RHBDD3: variants seen among roughly 807,000 people sequenced by gnomAD.
RHBDD3 encodes rhomboid domain-containing protein 3.
Under a neutral mutation model 32.3 loss-of-function variants are expected in RHBDD3, and 34 were observed. The observed-to-expected ratio is 1.05, with a 90% confidence interval of 0.80 to 1.40. RHBDD3 has a LOEUF of 1.40. Among genes scored for constraint, RHBDD3 ranks in the 40% most tolerant of loss-of-function variants. The pLI is 0.00. For synonymous variants in RHBDD3, 249 were observed against 239.1 expected (o/e 1.04, Z -0.38); for missense variants, 482 against 492.6 (o/e 0.98, Z 0.20).
Position 29,260,758 on chromosome 22 carries a change from G to A in RHBDD3, c.639C>T (p.Leu213=). 6.2e-7 allele frequency: 1 copy of A among 1,600,954 alleles called. No individual in the cohort carries two copies. Among genetic ancestry groups the A allele is most frequent in the South Asian group, 1.1e-5 (1 of 89,014 alleles). ...RTLAGCWPLR[L]LATPGSLAEL... is the part of the protein sequence containing the mutation. ...CCGCCAGGCTACCCGGGGTGGCAAG[G>A]AGCCTCAGGGGCCAGCACCCCGCCA... The change falls in exon 5 of 7, where the codon CTC becomes CTT. Residue 213 remains leucine, a synonymous_variant. Transcript: ENST00000216085.
At chr22:29,266,031 C>T (rs2058172157) in intron 2 of RHBDD3, among the ~76,000 whole-genome samples, 1 of 152,228 alleles carries the variant, frequency 6.6e-6, no homozygotes, top group Non-Finnish European at 1.5e-5. Context: ...CTCCTTCCTC[C>T]CCTCCCCTGT....
At position 29,263,324 on chromosome 22, in the gene RHBDD3, T is replaced by C. The variant is rs1237416032; in HGVS notation, c.532+511A>G. Among the ~76,000 whole-genome samples, 8 of 152,284 alleles carry C rather than the reference T, an allele frequency of 5.3e-5. No individual in the cohort carries two copies. In the South Asian group the frequency reaches 1.2e-3, roughly 24 times the overall value. On this transcript the variant is annotated intron_variant, in intron 4 of 6. Transcript: ENST00000216085. ...TCCCAAAGTGTTGGGATTACAGGCA[T>C]GAGCCATCGCGCCTGGCCTAATTTT...
In RHBDD3 at chr22:29,264,220, T is replaced by C. The variant is rs1182432757; in HGVS notation, c.149-2A>G. The C allele has an allele frequency of 1.3e-6, 2 of 1,525,202 alleles. No individual in the cohort carries two copies. Among genetic ancestry groups the C allele is most frequent in the Admixed American group, 2.1e-5 (1 of 47,334 alleles). The allele number at this position is 1,525,202 out of a possible 1,614,324, so 94.5% of individuals were successfully genotyped here. A position where few individuals can be genotyped will look rare whatever the true frequency, so the allele number is the denominator to read the frequency against. On this transcript the variant is annotated splice_acceptor_variant, in intron 3 of 6. Coordinates refer to ENST00000216085, the MANE Select transcript of RHBDD3 (RefSeq NM_012265.3). LOFTEE classifies it high-confidence loss of function. The stretch of plus-strand genomic sequence containing the variant: ...GGGCATGGGTCAGCAGCCGGTGCAC[T>C]GGGAGAGAGAAGGGGCTTATGTGCC...
In RHBDD3 at chr22:29,260,186, T is replaced by TGCC. The variant is rs1448117526; in HGVS notation, c.1032_1034dup (p.Ala345dup). The TGCC allele has an allele frequency of 8.2e-6, 13 of 1,592,034 alleles. No individual in the cohort carries two copies. In the Admixed American group the frequency reaches 2.3e-4, roughly 28 times the overall value. On this transcript the variant is annotated inframe_insertion, in exon 7 of 7. Transcript: ENST00000216085. ...CCTCCACACGGCCTGTGGCTGCCAG[T>TGCC]GCCACCACCGCCTGCTCCGTAGGGA...
At chr22:29,265,775 C>T in intron 2 of RHBDD3, 107 bp from the exon 3 acceptor site, 1 of 1,175,628 alleles carries the variant, frequency 8.5e-7, no homozygotes, top group Non-Finnish European at 1.1e-6. Context: ...TGGAAACAGG[C>T]TGGAGACGCA....
chr22:29,264,341 A>G (rs899202952), intron 3 of RHBDD3, 123 bp from the exon 4 acceptor site: 2 of 1,433,266 alleles, frequency 1.4e-6, no homozygotes, highest in African/African-American at 1.4e-5. Flanking sequence ...TCCCCTCCCC[A>G]GGAGCCAGTC....
Position 29,260,754 on chromosome 22 carries a change from CA to C in RHBDD3, c.642del (p.Ala215ProfsTer17). On this transcript the variant is annotated frameshift_variant, in exon 5 of 7. Coordinates refer to ENST00000216085, the MANE Select transcript of RHBDD3 (RefSeq NM_012265.3). LOFTEE classifies it high-confidence loss of function. ...AGCTCCGCCAGGCTACCCGGGGTGG[CA>C]AGGAGCCTCAGGGGCCAGCACCCCG... is the stretch of plus-strand genomic sequence containing the variant. Reference protein sequence around the residue: ...TLAGCWPLRLLATPGSLAELP... With the variant: ...TLAGCWPLRLXATPGSLAELP... 1 of 1,600,960 alleles carries C rather than the reference CA, an allele frequency of 6.2e-7. No individual in the cohort carries two copies. The highest frequency in any genetic ancestry group is 8.5e-7 in the Non-Finnish European group (1 of 1,174,770).
At position 29,260,602 on chromosome 22, in the gene RHBDD3, G is replaced by A; in HGVS notation, c.707C>T (p.Pro236Leu). The stretch of plus-strand genomic sequence containing the variant: ...AGGGGAGGCCACATAAGGCGGTCCA[G>A]GGATGGGAGGCCTGGAGGAGTGGGA... ...THPAGVRPPIPGPPYVASPDL... is the reference protein window; with the variant it reads ...THPAGVRPPILGPPYVASPDL... The change falls in exon 6 of 7, where the codon CCT becomes CTT. Residue 236 changes from proline (P) to leucine (L), a missense_variant. Coordinates refer to ENST00000216085, the MANE Select transcript of RHBDD3 (RefSeq NM_012265.3). 1 of 1,592,672 alleles carries A rather than the reference G, an allele frequency of 6.3e-7. No homozygotes were observed. The highest frequency in any genetic ancestry group is 8.6e-7 in the Non-Finnish European group (1 of 1,169,174).
In RHBDD3 at chr22:29,260,124, G is replaced by C. The variant is rs766327953; in HGVS notation, c.1097C>G (p.Thr366Ser). Residue 366 changes from threonine to serine, a missense_variant, in exon 7 of 7, where the codon ACT (threonine) becomes AGT (serine). Transcript: ENST00000216085. ...VSLLVGGQVG[T>S]ETLVTHGKGG... ...CTTTCCATGGGTCACCAGGGTCTCA[G>C]TGCCCACTTGTCCTCCAACCAACAG... 14 of 1,585,972 alleles carry C rather than the reference G, an allele frequency of 8.8e-6. No individual in the cohort carries two copies. The highest frequency in any genetic ancestry group is 7.2e-5 in the Admixed American group (4 of 55,464).
rs1401168292 is a variant in RHBDD3, at chr22:29,263,906, G to A, written c.461C>T (p.Ala154Val). 1 of 1,548,846 alleles carries A rather than the reference G, an allele frequency of 6.5e-7. No homozygotes were observed. Among genetic ancestry groups the A allele is most frequent in the African/African-American group, 1.4e-5 (1 of 73,238 alleles). ...PPWLSPWLLLALTPLLSSEPP... is the reference protein window; with the variant it reads ...PPWLSPWLLLVLTPLLSSEPP... ...CTCAGAGCTGAGCAGTGGGGTCAGG[G>A]CAAGCAGCAGCCACGGCGACAGCCA... The change falls in exon 4 of 7, where the codon GCC (alanine) becomes GTC (valine). Residue 154 changes from alanine (A) to valine (V), a missense_variant. Transcript: ENST00000216085.
At chr22:29,263,078 CCT>C (rs529044962) in intron 4 of RHBDD3, among the ~76,000 whole-genome samples, 40 of 147,872 alleles carry the variant, frequency 2.7e-4, no homozygotes, top group Non-Finnish European at 4.6e-4. Context: ...GGGGTCTTGC[CCT>C]GTCGCCCAGG....
Position 29,264,380 on chromosome 22 carries a change from G to A in RHBDD3, c.149-162C>T. 5 of 1,428,566 alleles carry A rather than the reference G, an allele frequency of 3.5e-6. No individual in the cohort carries two copies. The South Asian group carries it at 7.8e-5, about 22-fold the overall frequency. The allele number at this position is 1,428,566 out of a possible 1,614,324, so 88.5% of individuals were successfully genotyped here. ...CCACAGCCAGCACTTAATCATTGGT[G>A]GAAGGGACCAAGGACTTCCAAACAC... On this transcript the variant is annotated intron_variant, in intron 3 of 6. Transcript: ENST00000216085.
At chr22:29,260,670 A>T (rs1231018168) in intron 5 of RHBDD3, 32 bp downstream of exon 5, 19 of 1,552,500 alleles carry the variant, frequency 1.2e-5, no homozygotes, top group African/African-American at 2.7e-5. Context: ...AGTGCCCACC[A>T]CCTGGACTGG....
rs1026515338 is a variant in RHBDD3, at chr22:29,263,959, A to G, written c.408T>C (p.Pro136=). ...LAMLAGEGHR[P]RRPRGALPPW... is the part of the protein sequence containing the mutation. ...GTGGCAGTGCCCCACGGGGCCGTCT[A>G]GGGCGGTGTCCCTCCCCAGCCAGCA... The change falls in exon 4 of 7, where the codon CCT becomes CCC. Residue 136 remains proline (P), a synonymous_variant. Transcript: ENST00000216085. 7.1e-6 allele frequency: 11 copies of G among 1,550,702 alleles called. No individual in the cohort carries two copies. Among genetic ancestry groups the G allele is most frequent in the Non-Finnish European group, 9.6e-6 (11 of 1,147,240 alleles).
Position 29,260,387 on chromosome 22 carries a change from C to T in RHBDD3, c.922G>A (p.Gly308Arg), listed in dbSNP as rs775208562. 10 of 1,612,340 alleles carry T rather than the reference C, an allele frequency of 6.2e-6. No homozygotes were observed. Among genetic ancestry groups the T allele is most frequent in the African/African-American group, 4.0e-5 (3 of 75,062 alleles). ...GCGCTCTGGGGTTCCTGGGCTGGCCCGTCAAGAAGCGAGGCCTGGATGCCC... is the reference window on the plus strand; with the variant it reads ...GCGCTCTGGGGTTCCTGGGCTGGCCTGTCAAGAAGCGAGGCCTGGATGCCC... ...QEGIQASLLD[G>R]PAQEPQSAPW... Residue 308 changes from glycine to arginine, a missense_variant, in exon 6 of 7, where the codon GGG (glycine) becomes AGG (arginine). Gly to Arg is a moderately radical substitution (Grantham distance 125). Transcript: ENST00000216085.
chr22:29,267,217 T>G (rs2058225720), intron 2 of RHBDD3: 1 of 152,312 alleles, frequency 6.6e-6, no homozygotes, highest in African/African-American at 2.4e-5. Flanking sequence ...GTGGGCAGGG[T>G]CAGCCTTGCC....
chr22:29,260,737 C>T lies in RHBDD3; in HGVS notation c.660G>A (p.Leu220=). 1 of 1,596,418 alleles carries T rather than the reference C, an allele frequency of 6.3e-7. No individual in the cohort carries two copies. Among genetic ancestry groups the T allele is most frequent in the Non-Finnish European group, 8.5e-7 (1 of 1,172,248 alleles). The change falls in exon 5 of 7, where the codon CTG becomes CTA. Residue 220 remains leucine, a synonymous_variant. Transcript: ENST00000216085. ...CAGGATGGGTGACAGGCAGCTCCGC[C>T]AGGCTACCCGGGGTGGCAAGGAGCC... The part of the protein sequence containing the change: ...PLRLLATPGS[L]AELPVTHPAG...
In RHBDD3 at chr22:29,264,189, G is replaced by A. The variant is rs748436288; in HGVS notation, c.178C>T (p.His60Tyr). ...AGGAGCAGGCCTGGCAGGGCCGTGTGGCCCAGGGCATGGGTCAGCAGCCGG... is the reference window on the plus strand; with the variant it reads ...AGGAGCAGGCCTGGCAGGGCCGTGTAGCCCAGGGCATGGGTCAGCAGCCGG... ...VHRLLTHALG[H>Y]TALPGLLLSL... Residue 60 changes from histidine (H) to tyrosine (Y), a missense_variant, in exon 4 of 7, where the codon CAC (histidine) becomes TAC (tyrosine). Physicochemically the swap from His to Tyr is moderately conservative, Grantham distance 83. Coordinates refer to ENST00000216085, the MANE Select transcript of RHBDD3 (RefSeq NM_012265.3). 1.9e-6 allele frequency: 3 copies of A among 1,564,118 alleles called. No individual in the cohort carries two copies. The highest frequency in any genetic ancestry group is 2.6e-6 in the Non-Finnish European group (3 of 1,155,432).
In RHBDD3 at chr22:29,260,708, C is replaced by G; in HGVS notation, c.689G>C (p.Gly230Ala). ...LAELPVTHPA[G>A]VRPPIPGPPY... ...TCCCCCCCATCACCCTCACCTCACT[C>G]CGGCAGGATGGGTGACAGGCAGCTC... The change falls in exon 5 of 7, where the codon GGA becomes GCA. Residue 230 changes from glycine (G) to alanine (A), a missense_variant. By Grantham distance (60) the Gly-to-Ala change is moderately conservative (BLOSUM62 0). Coordinates refer to ENST00000216085, the MANE Select transcript of RHBDD3 (RefSeq NM_012265.3). 4.4e-6 allele frequency: 7 copies of G among 1,580,096 alleles called. No homozygotes were observed. The highest frequency in any genetic ancestry group is 6.0e-6 in the Non-Finnish European group (7 of 1,163,854).
Sources: gnomAD v4.1 joint callset for allele counts (sites outside exome capture counted in the v4.1 genomes callset) on GRCh38, gnomAD v4.1.1 for gene constraint, MANE v1.5 for transcripts, NCBI Gene and HGNC (gene_info 2026-07-23, HGNC 2026-07-21) for gene names.